Variants in EML2 observed in about 807,000 individuals in gnomAD.
EML2 encodes EMAP like 2.
EML2 carries 59 observed loss-of-function variants against 84.7 expected under a neutral mutation model. That is an observed-to-expected ratio of 0.70 (90% confidence interval 0.56 to 0.86). The LOEUF is 0.86. Among genes scored for constraint, EML2 ranks in the 40% least tolerant of loss-of-function variants. The pLI is 0.00. For missense variants in EML2, 818 were observed against 855.6 expected (o/e 0.96, Z 0.55); for synonymous variants, 352 against 348.9 (o/e 1.01, Z -0.10).
At chr19:45,632,700 C>T in intron 6 of EML2, 161 bp downstream of exon 6, 2 of 628,708 alleles carry the variant, frequency 3.2e-6, no homozygotes, top group Non-Finnish European at 2.8e-6. Flanking sequence ...GACTCACCCG[C>T]CCCTTGGGGT....
At chr19:45,614,755 C>A (rs1600078093) in intron 16 of EML2, 55 bp from the exon 17 acceptor site, 2 of 1,417,422 alleles carry the variant, frequency 1.4e-6, no homozygotes, top group East Asian at 2.3e-5. Flanking sequence ...CCCAGTAAAC[C>A]CATCCCTTTC....
chr19:45,618,972 T>G, intron 12 of EML2, 88 bp downstream of exon 12: 1 of 1,344,574 alleles, frequency 7.4e-7, no homozygotes, highest in South Asian at 2.1e-5. Flanking sequence ...AAGACCTTGT[T>G]TGGTTTCAGT....
upstream of EML2, chr19:45,641,179 C>T (rs60972412): frequency 2.2e-3 from 352 of 156,716 alleles, 13 homozygotes; most frequent in East Asian, 0.06. Context: ...TCTGGAATGC[C>T]TCCACCTGGT....
Position 45,637,492 on chromosome 19 carries a change from T to G in EML2, c.179+1013A>C, listed in dbSNP as rs12610695. Among the ~76,000 whole-genome samples the G allele has an allele frequency of 1.7e-4, 25 of 143,610 alleles. No individual in the cohort carries two copies. The Admixed American group carries it at 1.8e-3, about 10-fold the overall frequency. The allele number at this position is 143,610 out of a possible 152,430, so 94.2% of individuals were successfully genotyped here. A position where few individuals can be genotyped will look rare whatever the true frequency, so the allele number is the denominator to read the frequency against. ...TGGATTTTTTTTTTTTTTTTTTTTT[T>G]TTTGAGAAAGGAGTCTCGCTCTGTC... On this transcript the variant is annotated intron_variant, in intron 3 of 18. Coordinates refer to ENST00000245925, the MANE Select transcript of EML2 (RefSeq NM_012155.4).
Position 45,639,356 on chromosome 19 carries a change from C to A in EML2, c.20+1G>T. 7.7e-7 allele frequency: 1 copy of A among 1,295,862 alleles called. No individual in the cohort carries two copies. The highest frequency in any genetic ancestry group is 9.9e-7 in the Non-Finnish European group (1 of 1,014,748). The allele number at this position is 1,295,862 out of a possible 1,614,324, so 80.3% of individuals were successfully genotyped here. ...GGGGGTGGTCTGCGAAAGGGTCTCA[C>A]CCAGCTCCAAAGCTACTCATGGCGG... On this transcript the variant is annotated splice_donor_variant, in intron 1 of 18. Coordinates refer to ENST00000245925, the MANE Select transcript of EML2 (RefSeq NM_012155.4). LOFTEE classifies it high-confidence loss of function.
chr19:45,638,770 C>T, intron 2 of EML2, 75 bp downstream of exon 2: 1 of 1,601,726 alleles, frequency 6.2e-7, no homozygotes. Flanking sequence ...GTAGCCAAGA[C>T]TCCTGACCTC....
At chr19:45,624,540 G>C (rs571740929) in intron 9 of EML2, among the ~76,000 whole-genome samples, 179 bp downstream of exon 9, 5 of 152,170 alleles carry the variant, frequency 3.3e-5, no homozygotes, top group South Asian at 2.1e-4. Context: ...GGCAAGGCAG[G>C]GGGGAGTCAA....
At position 45,616,664 on chromosome 19, in the gene EML2, TC is replaced by T. The variant is rs1203534540; in HGVS notation, c.1411+100del. 1.6e-5 allele frequency: 23 copies of T among 1,394,322 alleles called. No individual in the cohort carries two copies. The East Asian group carries it at 4.5e-4, about 27-fold the overall frequency. 86.4% of individuals were successfully genotyped at this position (1,394,322 alleles called of 1,614,324 possible). A position where few individuals can be genotyped will look rare whatever the true frequency, so the allele number is the denominator to read the frequency against. On this transcript the variant is annotated intron_variant, in intron 14 of 18. Coordinates refer to ENST00000245925, the MANE Select transcript of EML2 (RefSeq NM_012155.4). ...CCCAGCTCCATCCCCACTGCATCCCTCCTAGGCCTCGCTTCGCAGGCTCCAC... is the reference window on the plus strand; with the variant it reads ...CCCAGCTCCATCCCCACTGCATCCCTCTAGGCCTCGCTTCGCAGGCTCCAC...
intron 16 of EML2, 172 bp from the exon 17 acceptor site, chr19:45,614,872 C>A: frequency 1.7e-6 from 1 of 572,330 alleles, no homozygotes; most frequent in Non-Finnish European, 3.2e-6. Context: ...GTCTTCACAG[C>A]CCGCAGCGTA....
At chr19:45,610,714 C>T (rs1970404609) in intron 18 of EML2, among the ~76,000 whole-genome samples, 1 of 152,062 alleles carries the variant, frequency 6.6e-6, no homozygotes, top group African/African-American at 2.4e-5. Context: ...GTGGCACACG[C>T]CTGTAGTCCC....
intron 16 of EML2, 102 bp downstream of exon 16, chr19:45,615,700 C>G: frequency 1.9e-6 from 2 of 1,037,560 alleles, no homozygotes; most frequent in Non-Finnish European, 3.0e-6. Flanking sequence ...GCCTTGAATA[C>G]CAAGGGAGCG....
chr19:45,641,754 AG>A, upstream of EML2: 2 of 1,536,080 alleles, frequency 1.3e-6, no homozygotes, highest in Non-Finnish European at 1.7e-6. Context: ...CACTGCTAAA[AG>A]AGAGCACACA....
intron 12 of EML2, chr19:45,618,811 G>A (rs1330933138): frequency 8.3e-6 from 2 of 242,114 alleles, no homozygotes; most frequent in Non-Finnish European, 1.6e-5. Context: ...GCTGGACATG[G>A]TGGTGTGCAC....
chr19:45,636,495 GCCCTGTCCCTGTGGATT>G (rs1973740476), intron 3 of EML2, among the ~76,000 whole-genome samples: 1 of 152,082 alleles, frequency 6.6e-6, no homozygotes, highest in African/African-American at 2.4e-5. Context: ...GGCTGGGTCA[GCCCTGTCCCTGTGGATT>G]CCCCATCCCA....
upstream of EML2, among the ~76,000 whole-genome samples, chr19:45,644,531 A>T (rs1974882509): frequency 6.6e-6 from 1 of 151,996 alleles, no homozygotes; most frequent in African/African-American, 2.4e-5. Flanking sequence ...GGCCAGCTGC[A>T]CTGTCAGGCC....
upstream of EML2, chr19:45,642,330 G>C (rs775337641): frequency 1.0e-4 from 155 of 1,531,668 alleles, no homozygotes; most frequent in Non-Finnish European, 1.3e-4. Flanking sequence ...CTTCCATACC[G>C]CTCGTGCCCG....
Position 45,613,602 on chromosome 19 carries a change from A to C in EML2, c.1763T>G (p.Leu588Arg). The change falls in exon 18 of 19, where the codon CTG becomes CGG. Residue 588 changes from leucine to arginine, a missense_variant. Coordinates refer to ENST00000245925, the MANE Select transcript of EML2 (RefSeq NM_012155.4). ...AVARSHDGKL[L>R]ASADDFGKVH... ...TTTGCCAAAGTCATCAGCTGAAGCCAGCAACTTCCCATCATGAGAGCGGGC... is the reference window on the plus strand; with the variant it reads ...TTTGCCAAAGTCATCAGCTGAAGCCCGCAACTTCCCATCATGAGAGCGGGC... 1 of 1,614,148 alleles carries C rather than the reference A, an allele frequency of 6.2e-7. No homozygotes were observed. Among genetic ancestry groups the C allele is most frequent in the Admixed American group, 1.7e-5 (1 of 60,004 alleles).
intron 18 of EML2, 97 bp from the exon 19 acceptor site, chr19:45,609,885 CT>C: frequency 8.7e-6 from 12 of 1,383,240 alleles, no homozygotes; most frequent in South Asian, 1.4e-5. Context: ...TCTGCTCTTC[CT>C]CTTTTTTTTT....
chr19:45,622,210 T>A (rs962061013), intron 9 of EML2, among the ~76,000 whole-genome samples: 4 of 151,992 alleles, frequency 2.6e-5, no homozygotes, highest in Admixed American at 6.6e-5. Context: ...CATCCATCCA[T>A]CCACTCACTT....
Sources: gnomAD v4.1 joint callset for allele counts (sites outside exome capture counted in the v4.1 genomes callset) on GRCh38, gnomAD v4.1.1 for gene constraint, MANE v1.5 for transcripts, NCBI Gene and HGNC (gene_info 2026-07-23, HGNC 2026-07-21) for gene names.